Variants in AGT observed in about 807,000 individuals in gnomAD.
AGT encodes the protein angiotensinogen.
Under a neutral mutation model 28.1 loss-of-function variants are expected in AGT, and 26 were observed. The observed-to-expected ratio is 0.92, with a 90% CI of 0.68 to 1.28. The LOEUF (loss-of-function observed/expected upper bound fraction) is 1.28, where lower values mean the gene tolerates loss of function less well. Among genes scored for constraint, AGT ranks in the 50% most tolerant of loss-of-function variants. The pLI is 0.00. For missense variants in AGT, 596 were observed against 592.3 expected (o/e 1.01, Z -0.06); for synonymous variants, 259 against 259.6 (o/e 1.00, Z 0.02).
chr1:230,712,171 G>C lies in AGT; in HGVS notation c.-30-1318C>G, dbSNP rs148679664. On this transcript the variant is annotated intron_variant, in intron 1 of 4. Coordinates refer to ENST00000366667, the MANE Select transcript of AGT (RefSeq NM_001384479.1). ...TTCTGTCCCCCCAGGGCTAGGCCAG[G>C]CTTCCTTGGAGCTGTAGCGTGTCAT... Among the ~76,000 whole-genome samples, 80 of 152,270 alleles carry C rather than the reference G, an allele frequency of 5.3e-4. No individual in the cohort carries two copies. In the East Asian group the frequency reaches 0.012, roughly 24 times the overall value.
upstream of AGT, among the ~76,000 whole-genome samples, chr1:230,715,158 A>G (rs1265307064): frequency 6.6e-6 from 1 of 152,240 alleles, no homozygotes; most frequent in East Asian, 1.9e-4. Context: ...GTGCCTGGAT[A>G]TGAGGCAGAA....
At chr1:230,726,979 C>G (rs1663955512) in intron 1 of AGT, among the ~76,000 whole-genome samples, 1 of 152,194 alleles carries the variant, frequency 6.6e-6, no homozygotes, top group African/African-American at 2.4e-5. Context: ...GGAAGTTCTC[C>G]CTTCTCCTTT....
chr1:230,742,515 C>T (rs960720199), intron 1 of AGT, among the ~76,000 whole-genome samples: 24 of 152,146 alleles, frequency 1.6e-4, no homozygotes, highest in African/African-American at 5.8e-4. Context: ...CAGGGTTTCA[C>T]TATGTTGGCA....
At chr1:230,711,956 A>G (rs1663603739) in intron 1 of AGT, among the ~76,000 whole-genome samples, 2 of 152,116 alleles carry the variant, frequency 1.3e-5, no homozygotes, top group Non-Finnish European at 2.9e-5. Flanking sequence ...AGCTGCTACA[A>G]ATGAAAGCTA....
intron 1 of AGT, among the ~76,000 whole-genome samples, chr1:230,731,479 C>T (rs1339272208): frequency 1.3e-5 from 2 of 152,240 alleles, no homozygotes; most frequent in South Asian, 2.1e-4. Context: ...GTCACTTACA[C>T]GACCTGGCTG....
chr1:230,744,957 C>T (rs1231727603), intron 1 of AGT, among the ~76,000 whole-genome samples: 7 of 152,198 alleles, frequency 4.6e-5, no homozygotes, highest in African/African-American at 1.7e-4. Flanking sequence ...ATGGCCCTCA[C>T]ATTGCCACAC....
rs12043697 is a variant in AGT at position 230,744,694 on chromosome 1, C to T, written c.-31+821G>A. 1.7e-4 allele frequency among the ~76,000 whole-genome samples: 26 copies of T among 152,314 alleles called. No individual in the cohort carries two copies. The East Asian group carries it at 4.2e-3, about 25-fold the overall frequency. On this transcript the variant is annotated intron_variant, in intron 1 of 4. Transcript: ENST00000681269. ...AAGACTCTAAAGAAAAAGGCAGGTT[C>T]TTCCAATACATAGATAAGTCCCAGG...
intron 1 of AGT, among the ~76,000 whole-genome samples, chr1:230,711,440 G>A (rs1265022167): frequency 1.3e-5 from 2 of 152,158 alleles, no homozygotes; most frequent in Non-Finnish European, 2.9e-5. Context: ...CTCCCAGTCT[G>A]TGGTACTTAT....
intron 1 of AGT, among the ~76,000 whole-genome samples, chr1:230,740,475 C>A (rs762147321): frequency 6.6e-6 from 1 of 152,064 alleles, no homozygotes; most frequent in Non-Finnish European, 1.5e-5. Context: ...CTCTGACAAA[C>A]CTTACAGGAT....
At position 230,710,511 on chromosome 1, in the gene AGT, C is replaced by A. The variant is rs2229389; in HGVS notation, c.313G>T (p.Gly105Cys). 30 of 1,614,082 alleles carry A rather than the reference C, an allele frequency of 1.9e-5. No homozygotes were observed. The highest frequency in any genetic ancestry group is 2.5e-5 in the Non-Finnish European group (30 of 1,180,046). ...AMVGMLANFL[G>C]FRIYGMHSEL... ...CTGTGCATGCCATATATACGGAAGCCCAAGAAGTTGGCCAGCATCCCGACC... is the reference window on the plus strand; with the variant it reads ...CTGTGCATGCCATATATACGGAAGCACAAGAAGTTGGCCAGCATCCCGACC... Residue 105 changes from glycine (G) to cysteine (C), a missense_variant, in exon 2 of 5, where the codon GGC becomes TGC. Gly to Cys is a radical substitution (Grantham distance 159, BLOSUM62 -3). Coordinates refer to ENST00000366667, the MANE Select transcript of AGT (RefSeq NM_001384479.1).
chr1:230,734,935 C>T (rs887838103), intron 1 of AGT, among the ~76,000 whole-genome samples: 7 of 151,950 alleles, frequency 4.6e-5, no homozygotes, highest in African/African-American at 7.3e-5. Flanking sequence ...AGGATGGTCT[C>T]GATCTCCTGA....
Position 230,704,182 on chromosome 1 carries a change from C to A in AGT, c.1242+11G>T. On this transcript the variant is annotated intron_variant, in intron 4 of 4. Coordinates refer to ENST00000366667, the MANE Select transcript of AGT (RefSeq NM_001384479.1). ...AACCCAGGTCAGGCACAGACACAGG[C>A]TCACACATACCTCCCCCACCCTGAT... 6.2e-7 allele frequency: 1 copy of A among 1,614,266 alleles called. No homozygotes were observed. The highest frequency in any genetic ancestry group is 8.5e-7 in the Non-Finnish European group (1 of 1,180,048).
intron 1 of AGT, among the ~76,000 whole-genome samples, chr1:230,712,881 C>T (rs1201257784): frequency 6.6e-6 from 1 of 152,190 alleles, no homozygotes; most frequent in Non-Finnish European, 1.5e-5. Context: ...CTCTCCTGCC[C>T]CTGCCTCTTG....
rs1663376773 is a variant in AGT, at chr1:230,706,064, C to T, written c.966G>A (p.Val322=). 1 of 1,614,170 alleles carries T rather than the reference C, an allele frequency of 6.2e-7. No homozygotes were observed. The highest frequency in any genetic ancestry group is 2.2e-5 in the East Asian group (1 of 44,874). Reference sequence around the variant, plus strand: ...CGCTCTCAGTGAAGGGCACTTGAGTCACCGAGAAGTTGTCCTGGATGTCAC... The same window carrying T: ...CGCTCTCAGTGAAGGGCACTTGAGTTACCGAGAAGTTGTCCTGGATGTCAC... ...HWSDIQDNFS[V]TQVPFTESAC... Residue 322 remains valine (V), a synonymous_variant, in exon 3 of 5, where the codon GTG becomes GTA. Coordinates refer to ENST00000366667, the MANE Select transcript of AGT (RefSeq NM_001384479.1).
chr1:230,735,334 T>C (rs972011782), intron 1 of AGT, among the ~76,000 whole-genome samples: 2 of 152,222 alleles, frequency 1.3e-5, no homozygotes, highest in South Asian at 2.1e-4. Flanking sequence ...TGGTTTCACC[T>C]TCCAAAGTGT....
intron 1 of AGT, among the ~76,000 whole-genome samples, chr1:230,736,192 T>C (rs1284314148): frequency 6.6e-6 from 1 of 152,108 alleles, no homozygotes; most frequent in Non-Finnish European, 1.5e-5. Flanking sequence ...TGTGTGTGTT[T>C]AATACAATTG....
chr1:230,704,455 C>A (rs56309273), intron 3 of AGT, 118 bp from the exon 4 acceptor site: 9 of 1,335,378 alleles, frequency 6.7e-6, no homozygotes, highest in East Asian at 5.0e-5. Flanking sequence ...TTTGCTCCCC[C>A]CATCACCCAA....
chr1:230,704,476 CT>C, intron 3 of AGT, 139 bp from the exon 4 acceptor site: 1 of 1,190,498 alleles, frequency 8.4e-7, no homozygotes, highest in East Asian at 2.6e-5. Flanking sequence ...CTAAGTCATC[CT>C]CCCCCTTGGG....
At chr1:230,742,378 C>A (rs560954527) in intron 1 of AGT, among the ~76,000 whole-genome samples, 2 of 152,246 alleles carry the variant, frequency 1.3e-5, no homozygotes, top group South Asian at 2.1e-4. Flanking sequence ...TGCAGTAGCA[C>A]CATCTCGGCT....
Sources: gnomAD v4.1 joint callset for allele counts (sites outside exome capture counted in the v4.1 genomes callset) on GRCh38, gnomAD v4.1.1 for gene constraint, MANE v1.5 for transcripts, NCBI Gene and HGNC (gene_info 2026-07-23, HGNC 2026-07-21) for gene names.